The following SAMD3 variants were observed in gnomAD, a reference collection of about 807,000 sequenced individuals.
The protein encoded by SAMD3 is sterile alpha motif domain containing 3, also known as sterile alpha motif domain-containing protein 3.
In SAMD3, 63 loss-of-function variants were observed where a neutral mutation model predicts 58.5. The observed-to-expected ratio is 1.08, with a 90% CI of 0.88 to 1.33. SAMD3 has a LOEUF of 1.33. Among genes scored for constraint, SAMD3 ranks in the 40% most tolerant of loss-of-function variants. The pLI, the probability that SAMD3 is intolerant of heterozygous loss-of-function variation, is 0.00. For synonymous variants in SAMD3, 220 were observed against 210.3 expected, an observed-to-expected ratio of 1.05 and a Z score of -0.40; for missense variants, 604 against 608.4, an observed-to-expected ratio of 0.99 and a Z score of 0.08.
intron 5 of SAMD3, among the ~76,000 whole-genome samples, chr6:130,193,429 T>G (rs1562425888): frequency 6.6e-6 from 1 of 151,778 alleles, no homozygotes; most frequent in Admixed American, 6.6e-5. Flanking sequence ...CTCTGCGCCC[T>G]GATCCCTTAT....
chr6:130,308,204 G>A (rs964151794), intron 2 of SAMD3, among the ~76,000 whole-genome samples: 3 of 152,064 alleles, frequency 2.0e-5, no homozygotes, highest in African/African-American at 7.2e-5. Context: ...TGGTGTGCAT[G>A]ACTAAGAAAT....
intron 1 of SAMD3, among the ~76,000 whole-genome samples, chr6:130,341,927 C>T (rs988853669): frequency 2.0e-5 from 3 of 152,030 alleles, no homozygotes; most frequent in Non-Finnish European, 4.4e-5. Context: ...CTTTTTATTC[C>T]ACCAATGGAT....
intron 1 of SAMD3, among the ~76,000 whole-genome samples, chr6:130,353,546 C>T (rs1178617533): frequency 6.6e-6 from 1 of 152,058 alleles, no homozygotes; most frequent in Non-Finnish European, 1.5e-5. Flanking sequence ...TCTGACAAAC[C>T]ACAAATTAGG....
At chr6:130,211,585 C>CCAAT (rs1260054867) in intron 4 of SAMD3, among the ~76,000 whole-genome samples, 2 of 151,952 alleles carry the variant, frequency 1.3e-5, no homozygotes, top group African/African-American at 4.8e-5. Context: ...CGCCGAGCTG[C>CCAAT]CAATCAGAAA....
Position 130,154,709 on chromosome 6 carries a change from AAAAAAAAAAATATAT to A in SAMD3, c.1023+101_1023+115del, listed in dbSNP as rs1244277171. The A allele has an allele frequency of 1.5e-3, 212 of 144,764 alleles. 2 individuals are homozygous for A. The highest frequency in any genetic ancestry group is 6.8e-3 in the African/African-American group (200 of 29,274). The allele number at this position is 144,764 out of a possible 1,614,324, so 9.0% of individuals were successfully genotyped here. A position where few individuals can be genotyped will look rare whatever the true frequency, so the allele number is the denominator to read the frequency against. ...AGACTCTGTCTGAAAAAAAAAAAAA[AAAAAAAAAAATATAT>A]ATATATATATATATATATGTATGTA... On this transcript the variant is annotated intron_variant, in intron 9 of 11. Transcript: ENST00000439090.
intron 7 of SAMD3, among the ~76,000 whole-genome samples, chr6:130,179,766 G>T (rs190024702): frequency 3.1e-3 from 474 of 151,406 alleles, no homozygotes; most frequent in Non-Finnish European, 4.8e-3. Context: ...AATTTTCTTG[G>T]GTATAAGAAT....
intron 8 of SAMD3, among the ~76,000 whole-genome samples, chr6:130,167,748 C>T (rs74768995): frequency 1.3e-4 from 20 of 152,342 alleles, no homozygotes; most frequent in African/African-American, 4.6e-4. Flanking sequence ...GGCACAGCTG[C>T]TGCATTGACT....
chr6:130,151,269 C>CCT (rs3030849), intron 9 of SAMD3, among the ~76,000 whole-genome samples: 147,375 of 152,056 alleles, frequency 0.97, 71,578 homozygotes, highest in East Asian at 1. Flanking sequence ...TATGTCTTTC[C>CCT]GTTACCAAGG....
intron 2 of SAMD3, among the ~76,000 whole-genome samples, chr6:130,303,950 C>T (rs62433902): frequency 0.17 from 25,686 of 151,666 alleles, 2,430 homozygotes; most frequent in East Asian, 0.36. Context: ...TTAAAGTTTT[C>T]GAATTTATAA....
At chr6:130,251,948 C>CTTT (rs111321647) in intron 2 of SAMD3, among the ~76,000 whole-genome samples, 2 of 147,220 alleles carry the variant, frequency 1.4e-5, no homozygotes, top group Non-Finnish European at 1.5e-5. Context: ...TTTAAGTCCT[C>CTTT]TTTTTTTTTT....
intron 1 of SAMD3, among the ~76,000 whole-genome samples, chr6:130,315,862 G>A (rs1325240967): frequency 6.6e-6 from 1 of 152,122 alleles, no homozygotes; most frequent in South Asian, 2.1e-4. Context: ...CCCAAAGTAG[G>A]ATCCCCTGAT....
chr6:130,219,258 C>T (rs1300289133), intron 1 of SAMD3, among the ~76,000 whole-genome samples: 1 of 152,044 alleles, frequency 6.6e-6, no homozygotes, highest in African/African-American at 2.4e-5. Context: ...TGAAACACAC[C>T]AAAAGGGGCT....
At chr6:130,235,015 T>C (rs1378929642) in intron 2 of SAMD3, among the ~76,000 whole-genome samples, 1 of 152,130 alleles carries the variant, frequency 6.6e-6, no homozygotes, top group African/African-American at 2.4e-5. Context: ...CTCAGGAGGC[T>C]GAGGTGGGAG....
rs979567658 is a variant in SAMD3 at position 130,344,691 on chromosome 6, T to TC, written c.-304+20428dup. Among the ~76,000 whole-genome samples the TC allele has an allele frequency of 8.0e-4, 122 of 152,130 alleles. 1 individual carries two copies. The highest frequency in any genetic ancestry group is 2.8e-3 in the African/African-American group (118 of 41,504). Reference sequence around the variant, plus strand: ...GGCGTGAGCCATGGAGCCCAGCCATTCCCTGGCTTGTAACAGGGAATCCTT... The same window carrying TC: ...GGCGTGAGCCATGGAGCCCAGCCATTCCCCTGGCTTGTAACAGGGAATCCTT... On this transcript the variant is annotated intron_variant, in intron 1 of 13. Transcript: ENST00000368134.
intron 8 of SAMD3, among the ~76,000 whole-genome samples, chr6:130,159,246 A>G (rs888270455): frequency 6.6e-6 from 1 of 152,196 alleles, no homozygotes; most frequent in Non-Finnish European, 1.5e-5. Context: ...GTTTCTCTGC[A>G]CAAGCTCTCT....
At chr6:130,154,724 T>TAC in intron 9 of SAMD3, 101 bp downstream of exon 9, 1 of 153,620 alleles carries the variant, frequency 6.5e-6, no homozygotes, top group African/African-American at 3.3e-5. Flanking sequence ...AAAAAATATA[T>TAC]ATATATATAT....
intron 2 of SAMD3, among the ~76,000 whole-genome samples, chr6:130,312,326 T>C (rs952263617): frequency 1.3e-5 from 2 of 152,180 alleles, no homozygotes; most frequent in African/African-American, 4.8e-5. Context: ...ACTGAAGAAA[T>C]TTTAAAACAA....
intron 8 of SAMD3, among the ~76,000 whole-genome samples, chr6:130,174,188 TTC>T (rs1371670538): frequency 6.6e-6 from 1 of 152,122 alleles, no homozygotes; most frequent in Non-Finnish European, 1.5e-5. Context: ...GATTGAACAG[TTC>T]TGTCTCACTG....
intron 1 of SAMD3, among the ~76,000 whole-genome samples, chr6:130,342,318 C>T (rs1777298753): frequency 1.3e-5 from 2 of 152,268 alleles, no homozygotes; most frequent in South Asian, 4.1e-4. Flanking sequence ...TCATAATGAG[C>T]TGTTTTTTGC....
Sources: allele counts gnomAD v4.1 joint callset (sites outside exome capture counted in the v4.1 genomes callset), GRCh38; gene constraint gnomAD v4.1.1; transcripts MANE v1.5; gene names NCBI Gene and HGNC (gene_info 2026-07-23, HGNC 2026-07-21).